SEPTIN3: variants seen among roughly 807,000 people sequenced by gnomAD.
SEPTIN3 encodes the protein neuronal-specific septin-3.
SEPTIN3 carries 15 observed loss-of-function variants against 45.1 expected under a neutral mutation model. That is an observed-to-expected ratio of 0.33 (90% CI 0.22 to 0.51). SEPTIN3 has a LOEUF of 0.51. Among genes scored for constraint, SEPTIN3 ranks in the 20% least tolerant of loss-of-function variants. The probability of loss-of-function intolerance (pLI) is 0.97; values close to 1 mark genes in which losing one functional copy is unlikely to be tolerated. For synonymous variants in SEPTIN3, 148 were observed against 164.8 expected (o/e 0.90, Z 0.78); for missense variants, 289 against 457.2 (o/e 0.63, Z 3.35).
At chr22:41,980,847 G>T (rs1162846605) in intron 2 of SEPTIN3, among the ~76,000 whole-genome samples, 2 of 152,128 alleles carry the variant, frequency 1.3e-5, no homozygotes, top group Admixed American at 6.5e-5. Context: ...GCCCTCATCT[G>T]GTTCTCATCC....
rs1363204138 is a variant in SEPTIN3, at chr22:41,998,190, T to C, written c.*1223T>C. 1 of 152,720 alleles carries C rather than the reference T, an allele frequency of 6.5e-6. No homozygotes were observed. The allele number at this position is 152,720 out of a possible 1,614,324, so 9.5% of individuals were successfully genotyped here. A position where few individuals can be genotyped will look rare whatever the true frequency, so the allele number is the denominator to read the frequency against. On this transcript the variant is annotated 3_prime_UTR_variant, in exon 12 of 12. Coordinates refer to ENST00000644076, the MANE Select transcript of SEPTIN3 (RefSeq NM_001363845.2). ...GTAATTGTTGCTAGACTTTATGTGT[T>C]GTACAACTAAACATTGCTGTTTGAA...
At position 41,996,781 on chromosome 22, in the gene SEPTIN3, G is replaced by A. The variant is rs1437437033; in HGVS notation, c.2506-121G>A. 8 of 1,540,618 alleles carry A rather than the reference G, an allele frequency of 5.2e-6. No homozygotes were observed. In the East Asian group the frequency reaches 1.8e-4, roughly 35 times the overall value. ...ATGGGAGGTGGGCGTTGGAAAGGCT[G>A]AGTAGGAATGGTGCCTGGCACCCCT... On this transcript the variant is annotated intron_variant, in intron 11 of 11. Coordinates refer to ENST00000644076, the MANE Select transcript of SEPTIN3 (RefSeq NM_001363845.2).
In SEPTIN3 at chr22:41,978,893, T is replaced by TGGAGGAGGAGGAGGAGGA. The variant is rs71184852; in HGVS notation, c.1505-2731_1505-2714dup. The stretch of plus-strand genomic sequence containing the variant: ...TGGGAGTAGCAGTGGGGCTGAATGC[T>TGGAGGAGGAGGAGGAGGA]GGAGGAGGAGGAGGAGGAGGAGGAG... On this transcript the variant is annotated intron_variant, in intron 2 of 11. Transcript: ENST00000644076. 1.1e-4 allele frequency among the ~76,000 whole-genome samples: 13 copies of TGGAGGAGGAGGAGGAGGA among 120,392 alleles called. No homozygotes were observed. In the East Asian group the frequency reaches 1.5e-3, roughly 14 times the overall value. 79.0% of individuals were successfully genotyped at this position (120,392 alleles called of 152,430 possible). A position where few individuals can be genotyped will look rare whatever the true frequency, so the allele number is the denominator to read the frequency against.
intron 3 of SEPTIN3, among the ~76,000 whole-genome samples, chr22:41,982,460 A>T (rs1474203942): frequency 1.3e-5 from 2 of 152,116 alleles, no homozygotes; most frequent in Non-Finnish European, 2.9e-5. Context: ...GTGAGCTGAG[A>T]TCACGCCATT....
At chr22:41,992,799 G>A (rs2078340145) in intron 9 of SEPTIN3, 36 bp downstream of exon 9, 5 of 1,372,150 alleles carry the variant, frequency 3.6e-6, no homozygotes, top group Non-Finnish European at 5.2e-6. Context: ...ACTGGTTGCT[G>A]ATCAGTTATC....
chr22:41,978,046 C>T (rs995028512), intron 2 of SEPTIN3, among the ~76,000 whole-genome samples: 3 of 152,202 alleles, frequency 2.0e-5, no homozygotes, highest in African/African-American at 4.8e-5. Context: ...ACTTGAGCTG[C>T]ACCCTGCTGT....
At chr22:41,982,385 G>T (rs772859279) in intron 3 of SEPTIN3, among the ~76,000 whole-genome samples, 12 of 152,134 alleles carry the variant, frequency 7.9e-5, no homozygotes, top group Non-Finnish European at 1.3e-4. Flanking sequence ...GCGCATGCCT[G>T]TAATCGCAGC....
At chr22:41,987,345 A>C in intron 5 of SEPTIN3, 58 bp downstream of exon 5, 1 of 1,452,754 alleles carries the variant, frequency 6.9e-7, no homozygotes, top group Non-Finnish European at 9.6e-7. Flanking sequence ...GATACTTACT[A>C]TGGTGCAGAT....
chr22:41,989,437 T>TA (rs2078265990), intron 6 of SEPTIN3, 130 bp from the exon 7 acceptor site: 3 of 676,842 alleles, frequency 4.4e-6, no homozygotes, highest in Admixed American at 2.1e-5. Context: ...AGACGAGAGG[T>TA]AGCAGCCTCT....
chr22:41,987,165 G>A, intron 4 of SEPTIN3, 41 bp from the exon 5 acceptor site: 1 of 1,538,074 alleles, frequency 6.5e-7, no homozygotes, highest in Non-Finnish European at 8.9e-7. Flanking sequence ...GGGGTCAGCT[G>A]TAGGACTGAC....
Position 41,977,161 on chromosome 22 carries a change from T to C in SEPTIN3, c.1504+4165T>C, listed in dbSNP as rs990758850. The C allele has an allele frequency of 7.9e-6, 11 of 1,392,300 alleles. No homozygotes were observed. The South Asian group carries it at 1.5e-4, about 18-fold the overall frequency. 86.2% of individuals were successfully genotyped at this position (1,392,300 alleles called of 1,614,324 possible). Reference sequence around the variant, plus strand: ...GGCTGGAGGCGCTCCTGGGGGAGGGTTTCCGCGCCGAGGAGCCCACGCGCG... The same window carrying C: ...GGCTGGAGGCGCTCCTGGGGGAGGGCTTCCGCGCCGAGGAGCCCACGCGCG... On this transcript the variant is annotated intron_variant, in intron 2 of 11. Transcript: ENST00000644076.
At position 41,987,306 on chromosome 22, in the gene SEPTIN3, G is replaced by T; in HGVS notation, c.1907+19G>T. 1 of 1,600,676 alleles carries T rather than the reference G, an allele frequency of 6.2e-7. No individual in the cohort carries two copies. The highest frequency in any genetic ancestry group is 8.5e-7 in the Non-Finnish European group (1 of 1,169,944). On this transcript the variant is annotated intron_variant, in intron 5 of 11. Transcript: ENST00000644076. ...AAAACTGGTATCTGTCTGCCTCTGA[G>T]ATCTTTGCCCTAAAGACTCTGCTGG...
chr22:41,979,248 C>A (rs897024161), intron 2 of SEPTIN3, among the ~76,000 whole-genome samples: 1 of 152,154 alleles, frequency 6.6e-6, no homozygotes, highest in Non-Finnish European at 1.5e-5. Flanking sequence ...TTTGGGCGTG[C>A]TCTTTTAGGA....
At chr22:41,973,831 G>A (rs566189432) in intron 2 of SEPTIN3, among the ~76,000 whole-genome samples, 62 of 150,012 alleles carry the variant, frequency 4.1e-4, no homozygotes, top group African/African-American at 1.5e-3. Context: ...AAATACAAAA[G>A]TTAGCCAGGT....
intron 1 of SEPTIN3, among the ~76,000 whole-genome samples, chr22:41,969,892 C>T (rs532193113): frequency 1.3e-5 from 2 of 152,096 alleles, no homozygotes; most frequent in East Asian, 3.9e-4. Context: ...GCAGGGTAAA[C>T]GTGTGTGCCC....
intron 2 of SEPTIN3, among the ~76,000 whole-genome samples, chr22:41,973,547 C>T (rs1334972651): frequency 6.7e-6 from 1 of 150,334 alleles, no homozygotes; most frequent in Non-Finnish European, 1.5e-5. Context: ...GTGGCGGGTG[C>T]CTGTAGTTCC....
Position 41,969,467 on chromosome 22 carries a change from G to T in SEPTIN3, c.-230G>T. The T allele has an allele frequency of 6.6e-6, 1 of 152,338 alleles. No individual in the cohort carries two copies. The allele number at this position is 152,338 out of a possible 1,614,324, so 9.4% of individuals were successfully genotyped here. ...CAGAGCCCAGCCCAGCACGGTCTCC[G>T]GGGATGTAGCTGGTGGGACAGTGAG... On this transcript the variant is annotated 5_prime_UTR_variant, in exon 1 of 12. Transcript: ENST00000644076.
intron 11 of SEPTIN3, chr22:41,996,422 T>C (rs1443466713): frequency 1.0e-6 from 1 of 986,582 alleles, no homozygotes; most frequent in African/African-American, 1.7e-5. Context: ...TGGTCCTCTA[T>C]GAATCCCAGC....
intron 3 of SEPTIN3, 43 bp from the exon 4 acceptor site, chr22:41,985,941 T>G: frequency 6.4e-7 from 1 of 1,560,028 alleles, no homozygotes. Flanking sequence ...GCTCAGGAGG[T>G]GGATGCAGAG....
Sources: gnomAD v4.1 joint callset for allele counts (sites outside exome capture counted in the v4.1 genomes callset) on GRCh38, gnomAD v4.1.1 for gene constraint, MANE v1.5 for transcripts, NCBI Gene and HGNC (gene_info 2026-07-23, HGNC 2026-07-21) for gene names.